Variants in SIPA1L1 observed in about 807,000 individuals in gnomAD.
SIPA1L1 encodes the protein signal-induced proliferation-associated 1-like protein 1.
In SIPA1L1, 26 loss-of-function variants were observed where a neutral mutation model predicts 162.7. The ratio of observed to expected loss-of-function variants is 0.16; its 90% CI spans 0.12 to 0.22. The LOEUF is 0.22. Ranked by LOEUF, SIPA1L1 falls within the 10% of genes least tolerant of loss-of-function variation. The pLI is 1.00. For missense variants in SIPA1L1, 1,874 were observed against 2,241.0 expected (o/e 0.84, Z 3.31); for synonymous variants, 829 against 837.4 (o/e 0.99, Z 0.17).
At chr14:71,632,343 A>G (rs1257512489) in intron 7 of SIPA1L1, among the ~76,000 whole-genome samples, 1 of 152,208 alleles carries the variant, frequency 6.6e-6, no homozygotes, top group African/African-American at 2.4e-5. Flanking sequence ...GCACAGCCAA[A>G]ATGTCCCCCA....
intron 12 of SIPA1L1, among the ~76,000 whole-genome samples, chr14:71,684,043 G>A (rs1245269647): frequency 1.3e-5 from 2 of 152,186 alleles, no homozygotes; most frequent in Middle Eastern, 3.2e-3. Flanking sequence ...TGGAGCCTTG[G>A]GCGGAGGGTC....
intron 10 of SIPA1L1, among the ~76,000 whole-genome samples, chr14:71,666,900 A>G (rs2044064908): frequency 6.6e-6 from 1 of 151,628 alleles, no homozygotes; most frequent in African/African-American, 2.4e-5. Flanking sequence ...AGAATTTGCA[A>G]GCTTCAGCTG....
intron 2 of SIPA1L1, among the ~76,000 whole-genome samples, chr14:71,454,411 G>A (rs1330598825): frequency 6.6e-6 from 1 of 152,196 alleles, no homozygotes; most frequent in African/African-American, 2.4e-5. Context: ...TTGAATCTCA[G>A]ATAAAGGACT....
At chr14:71,732,272 C>T (rs2084861532) in intron 20 of SIPA1L1, among the ~76,000 whole-genome samples, 1 of 152,190 alleles carries the variant, frequency 6.6e-6, no homozygotes, top group Non-Finnish European at 1.5e-5. Context: ...TCCTGGTAAA[C>T]AGGTCTTTCT....
intron 2 of SIPA1L1, among the ~76,000 whole-genome samples, chr14:71,375,035 T>G (rs1423294191): frequency 6.6e-6 from 1 of 152,186 alleles, no homozygotes; most frequent in African/African-American, 2.4e-5. Flanking sequence ...TATCAAACAA[T>G]AATTTTGTTC....
chr14:71,648,977 T>A (rs762660567), intron 7 of SIPA1L1, among the ~76,000 whole-genome samples: 5 of 152,210 alleles, frequency 3.3e-5, no homozygotes, highest in Non-Finnish European at 7.3e-5. Flanking sequence ...TTGTGGGCTA[T>A]TGTGAGAGTA....
At chr14:71,468,446 G>T (rs1423694359) in intron 2 of SIPA1L1, among the ~76,000 whole-genome samples, 1 of 152,168 alleles carries the variant, frequency 6.6e-6, no homozygotes, top group African/African-American at 2.4e-5. Context: ...AGACGGGGTG[G>T]TGGTTTCTCA....
intron 13 of SIPA1L1, among the ~76,000 whole-genome samples, chr14:71,694,154 A>G (rs1029443930): frequency 6.6e-6 from 1 of 152,140 alleles, no homozygotes; most frequent in Admixed American, 6.6e-5. Flanking sequence ...TGTTGGCACT[A>G]TATATGTCGT....
At chr14:71,435,949 T>C (rs1216106518) in intron 2 of SIPA1L1, among the ~76,000 whole-genome samples, 5 of 152,224 alleles carry the variant, frequency 3.3e-5, no homozygotes, top group Non-Finnish European at 7.3e-5. Flanking sequence ...TTTTTTCATG[T>C]GTCTGTTGGC....
At chr14:71,617,189 T>G (rs999086335) in intron 5 of SIPA1L1, among the ~76,000 whole-genome samples, 8 of 152,226 alleles carry the variant, frequency 5.3e-5, no homozygotes, top group African/African-American at 1.9e-4. Context: ...CCTTTCTGTT[T>G]TCTTCCTTGT....
chr14:71,579,223 T>C (rs190590937), intron 4 of SIPA1L1, among the ~76,000 whole-genome samples: 19 of 152,354 alleles, frequency 1.2e-4, no homozygotes, highest in Admixed American at 1.2e-3. Context: ...TCTATGGTAG[T>C]AAATGATAAA....
chr14:71,388,744 A>G (rs1285798347), intron 2 of SIPA1L1, among the ~76,000 whole-genome samples: 1 of 152,228 alleles, frequency 6.6e-6, no homozygotes. Flanking sequence ...CTGGCTGAAC[A>G]TCAGAATCAT....
chr14:71,496,077 A>G lies in SIPA1L1; in HGVS notation c.-464-16666A>G, dbSNP rs573555776. 1.1e-4 allele frequency among the ~76,000 whole-genome samples: 17 copies of G among 151,538 alleles called. No homozygotes were observed. In the South Asian group the frequency reaches 3.3e-3, roughly 30 times the overall value. On this transcript the variant is annotated intron_variant, in intron 2 of 23. Coordinates refer to ENST00000381232, the MANE Select transcript of SIPA1L1 (RefSeq NM_001386936.1). ...GATCCTGTCTTAAAAAAAAAGAAAA[A>G]AAAAAAAAAAGCTATAAAATTGTCT...
chr14:71,611,481 G>C (rs1199138556), intron 5 of SIPA1L1, among the ~76,000 whole-genome samples: 1 of 152,082 alleles, frequency 6.6e-6, no homozygotes, highest in Non-Finnish European at 1.5e-5. Context: ...TGCCATGGTG[G>C]TTTGCTGCAT....
rs35609708 is a variant in SIPA1L1, at chr14:71,377,127, C to T, written c.-465+55946C>T. 0.16 allele frequency among the ~76,000 whole-genome samples: 24,666 copies of T among 151,266 alleles called. 2,609 individuals are homozygous for T. The highest frequency in any genetic ancestry group is 0.34 in the Middle Eastern group (99 of 290). The stretch of plus-strand genomic sequence containing the variant: ...GTGGCGGCCGGGCAGAGGGGCCCCC[C>T]CACCCCCCAGATGGGGCGGCCAGGC... On this transcript the variant is annotated intron_variant, in intron 2 of 23. Transcript: ENST00000381232. This position sits in a 1 kb window ranked among gnomAD's most constrained non-coding sequence, Gnocchi z 4.8.
intron 2 of SIPA1L1, among the ~76,000 whole-genome samples, chr14:71,439,420 CAG>C (rs1299871543): frequency 1.3e-5 from 2 of 152,270 alleles, no homozygotes; most frequent in Admixed American, 6.5e-5. Context: ...AAATAGAAAA[CAG>C]ATGTTTTAAT....
chr14:71,570,942 C>T (rs575419407), intron 4 of SIPA1L1, among the ~76,000 whole-genome samples: 4 of 152,120 alleles, frequency 2.6e-5, no homozygotes, highest in South Asian at 2.1e-4. Context: ...ATTACAGGTG[C>T]GCACCACCAC....
chr14:71,647,753 G>A lies in SIPA1L1; in HGVS notation c.1819-2582G>A, dbSNP rs915423061. Among the ~76,000 whole-genome samples the A allele has an allele frequency of 2.0e-5, 3 of 152,170 alleles. 1 individual carries two copies. In the South Asian group the frequency reaches 6.2e-4, roughly 32 times the overall value. On this transcript the variant is annotated intron_variant, in intron 7 of 23. Coordinates refer to ENST00000381232, the MANE Select transcript of SIPA1L1 (RefSeq NM_001386936.1). Reference sequence around the variant, plus strand: ...CTTTTTATTTGTTGAGACCTAATAGGGTACTTAGCTCAATTCTAAAGCCAA... The same window carrying A: ...CTTTTTATTTGTTGAGACCTAATAGAGTACTTAGCTCAATTCTAAAGCCAA...
chr14:71,706,599 T>A (rs992453287), intron 16 of SIPA1L1, among the ~76,000 whole-genome samples: 1 of 152,198 alleles, frequency 6.6e-6, no homozygotes, highest in African/African-American at 2.4e-5. Context: ...GGTCTGGAGC[T>A]AAAGAAGTTC....
Sources: allele counts gnomAD v4.1 joint callset (sites outside exome capture counted in the v4.1 genomes callset), GRCh38; gene constraint gnomAD v4.1.1; non-coding constraint Gnocchi (gnomAD v3.1); transcripts MANE v1.5; gene names NCBI Gene and HGNC (gene_info 2026-07-23, HGNC 2026-07-21).